The following GRHL1 variants were observed in gnomAD, a reference collection of about 807,000 sequenced individuals.
GRHL1 encodes the protein grainyhead-like protein 1 homolog.
Under a neutral mutation model 75.7 loss-of-function variants are expected in GRHL1, and 38 were observed. The observed-to-expected ratio is 0.50, with a 90% CI of 0.39 to 0.66. The LOEUF (loss-of-function observed/expected upper bound fraction) is 0.66. Among genes scored for constraint, GRHL1 ranks in the 30% least tolerant of loss-of-function variants. The pLI is 0.00. For synonymous variants in GRHL1, 266 were observed against 279.4 expected, an observed-to-expected ratio of 0.95 and a Z score of 0.48; for missense variants, 589 against 767.5, an observed-to-expected ratio of 0.77 and a Z score of 2.75.
At chr2:9,977,522 ATGT>A (rs1667997905) in intron 8 of GRHL1, among the ~76,000 whole-genome samples, 2 of 152,306 alleles carry the variant, frequency 1.3e-5, no homozygotes, top group East Asian at 3.9e-4. Context: ...GGGTTTCACC[ATGT>A]TGGCCAGGCT....
intron 1 of GRHL1, 84 bp from the exon 2 acceptor site, chr2:9,954,831 A>G (rs1318779272): frequency 3.6e-6 from 4 of 1,122,472 alleles, no homozygotes; most frequent in Non-Finnish European, 4.0e-6. Flanking sequence ...AGGCTATTTT[A>G]TAGGAATGTC....
intron 2 of GRHL1, 49 bp from the exon 3 acceptor site, chr2:9,958,737 G>A: frequency 1.5e-6 from 2 of 1,373,996 alleles, no homozygotes; most frequent in South Asian, 1.2e-5. Context: ...TGGGTAAACT[G>A]CACTTCACTG....
intron 8 of GRHL1, among the ~76,000 whole-genome samples, chr2:9,970,223 T>C (rs1198911130): frequency 6.6e-6 from 1 of 152,258 alleles, no homozygotes; most frequent in Non-Finnish European, 1.5e-5. Flanking sequence ...TCTAAATCCT[T>C]ACACTGTAAG....
chr2:9,990,870 T>C lies in GRHL1; in HGVS notation c.1321+123T>C. On this transcript the variant is annotated intron_variant, in intron 10 of 15. Transcript: ENST00000324907. The surrounding 1 kb of genome is among the most constrained non-coding windows in gnomAD (Gnocchi z 4.2). ...TGCACGCAGAAGACAGTGGGTGTTC[T>C]TCCTGTTCTGCAGTGTGGCACTGCC... 1 of 724,652 alleles carries C rather than the reference T, an allele frequency of 1.4e-6. No homozygotes were observed. Among genetic ancestry groups the C allele is most frequent in the South Asian group, 1.8e-5 (1 of 55,096 alleles). 44.9% of individuals were successfully genotyped at this position (724,652 alleles called of 1,614,324 possible). A position where few individuals can be genotyped will look rare whatever the true frequency, so the allele number is the denominator to read the frequency against.
chr2:9,995,458 G>A (rs1668818912), intron 12 of GRHL1: 1 of 155,498 alleles, frequency 6.4e-6, no homozygotes, highest in Non-Finnish European at 1.4e-5. Flanking sequence ...GGGTGTGGTG[G>A]TGTGCGCCAC....
chr2:9,986,252 C>G lies in GRHL1; in HGVS notation c.1239C>G (p.Ala413=). The G allele has an allele frequency of 6.2e-7, 1 of 1,613,588 alleles. No individual in the cohort carries two copies. The highest frequency in any genetic ancestry group is 1.3e-5 in the African/African-American group (1 of 74,976). Residue 413 remains alanine (A), a synonymous_variant, in exon 9 of 16, where the codon GCC becomes GCG. Coordinates refer to ENST00000324907, the MANE Select transcript of GRHL1 (RefSeq NM_198182.3). ...NNRSNKPVHR[A]YCQIKVFCDK... is the part of the protein sequence containing the mutation. ...GCAGCAACAAGCCTGTGCACCGGGC[C>G]TACTGCCAGATCAAGGTCTTCTGTG... is the stretch of plus-strand genomic sequence containing the variant.
At chr2:9,954,493 T>C (rs1296857089) in intron 1 of GRHL1, among the ~76,000 whole-genome samples, 1 of 152,186 alleles carries the variant, frequency 6.6e-6, no homozygotes, top group Admixed American at 6.5e-5. Context: ...GGGAATAACA[T>C]GTAGCAGTGT....
intron 8 of GRHL1, among the ~76,000 whole-genome samples, chr2:9,977,585 G>A (rs1195238203): frequency 6.6e-6 from 1 of 152,202 alleles, no homozygotes; most frequent in African/African-American, 2.4e-5. Flanking sequence ...GCCTCCCAAA[G>A]TGCTGGGATT....
At chr2:9,954,546 T>C (rs911695818) in intron 1 of GRHL1, among the ~76,000 whole-genome samples, 1 of 152,186 alleles carries the variant, frequency 6.6e-6, no homozygotes, top group Non-Finnish European at 1.5e-5. Flanking sequence ...CAGTCCTGAT[T>C]GTGTGTTGGA....
intron 8 of GRHL1, among the ~76,000 whole-genome samples, chr2:9,982,602 C>T (rs991921705): frequency 1.3e-5 from 2 of 152,202 alleles, no homozygotes; most frequent in Non-Finnish European, 2.9e-5. Context: ...TTGTTAACCT[C>T]CCGCTTCACT....
Position 9,961,402 on chromosome 2 carries a change from C to T in GRHL1, c.635C>T (p.Thr212Ile), listed in dbSNP as rs1379848291. The T allele has an allele frequency of 1.2e-6, 2 of 1,613,556 alleles. No homozygotes were observed. The highest frequency in any genetic ancestry group is 1.7e-5 in the Admixed American group (1 of 60,012). ...GCTCAAAGGCGAACTCCAGACTCGA[C>T]CTTCTCAGAGACCTTCAAGGAAGGC... ...PNAQRRTPDS[T>I]FSETFKEGVQ... The change falls in exon 4 of 16, where the codon ACC (threonine) becomes ATC (isoleucine). Residue 212 changes from threonine to isoleucine, a missense_variant. Thr to Ile is a moderately conservative substitution (Grantham distance 89). Transcript: ENST00000324907.
chr2:9,992,091 A>G lies in GRHL1; in HGVS notation c.1406A>G (p.Gln469Arg). The G allele has an allele frequency of 6.2e-7, 1 of 1,613,730 alleles. No individual in the cohort carries two copies. The highest frequency in any genetic ancestry group is 1.1e-5 in the South Asian group (1 of 91,046). ...AAACCCTTCATTGATCTCGATACTC[A>G]GCCTGTCCTCTTCATTCCTGACGTG... Reference protein sequence around the residue: ...VFKPFIDLDTQPVLFIPDVHF... With the variant: ...VFKPFIDLDTRPVLFIPDVHF... The change falls in exon 11 of 16, where the codon CAG (glutamine) becomes CGG (arginine). Residue 469 changes from glutamine (Q) to arginine (R), a missense_variant. By Grantham distance (43) the Gln-to-Arg change is conservative (BLOSUM62 1). Around this residue, in one of 5 missense-constraint regions of GRHL1, gnomAD observed 192 missense variants for 226.6 expected, o/e 0.85. Transcript: ENST00000324907. The surrounding 1 kb of genome is among the most constrained non-coding windows in gnomAD (Gnocchi z 4.6).
At chr2:9,960,993 T>A (rs746528446) in intron 3 of GRHL1, 53 bp from the exon 4 acceptor site, 6 of 1,421,936 alleles carry the variant, frequency 4.2e-6, no homozygotes, top group Middle Eastern at 1.8e-4. Context: ...AAATAAAAAT[T>A]GTCAAAGAAC....
At chr2:9,993,141 A>G in intron 11 of GRHL1, 66 bp from the exon 12 acceptor site, 1 of 1,119,502 alleles carries the variant, frequency 8.9e-7, no homozygotes, top group East Asian at 2.3e-5. Context: ...CATTTTAGGA[A>G]TAATTCATTT....
chr2:9,998,501 C>CGTATATATATACGTGTATATACGT (rs376418927), intron 14 of GRHL1, among the ~76,000 whole-genome samples: 1 of 6,890 alleles, frequency 1.5e-4, no homozygotes, highest in Non-Finnish European at 2.3e-4. Flanking sequence ...CGTATATATA[C>CGTATATATATACGTGTATATACGT]ATATATATAC....
chr2:9,987,570 G>C lies in GRHL1; in HGVS notation c.1269+1288G>C, dbSNP rs1668477854. 6.6e-6 allele frequency among the ~76,000 whole-genome samples: 1 copy of C among 152,168 alleles called. No homozygotes were observed. The highest frequency in any genetic ancestry group is 2.4e-5 in the African/African-American group (1 of 41,442). ...ATAAGCATGGGGAAGGAGAGGTGCG[G>C]ATTCTTCTCTACAGCCACAGGGAGG... On this transcript the variant is annotated intron_variant, in intron 9 of 15. Transcript: ENST00000324907. This position sits in a 1 kb window ranked among gnomAD's most constrained non-coding sequence, Gnocchi z 4.2.
chr2:9,985,560 C>T (rs1166417130), intron 8 of GRHL1, among the ~76,000 whole-genome samples: 1 of 152,142 alleles, frequency 6.6e-6, no homozygotes, highest in African/African-American at 2.4e-5. Context: ...TTAATAAGAA[C>T]AAACTGGAAA....
intron 9 of GRHL1, among the ~76,000 whole-genome samples, chr2:9,986,934 C>T (rs1025032984): frequency 2.0e-5 from 3 of 151,796 alleles, no homozygotes; most frequent in Non-Finnish European, 4.4e-5. Context: ...TCTTGAACTC[C>T]GGTCCTCAAG....
intron 1 of GRHL1, among the ~76,000 whole-genome samples, chr2:9,953,296 TG>T (rs1306548336): frequency 6.6e-6 from 1 of 152,268 alleles, no homozygotes; most frequent in Non-Finnish European, 1.5e-5. Context: ...CATAGTCTTC[TG>T]GAAGTAGCTA....
Sources: allele counts gnomAD v4.1 joint callset (sites outside exome capture counted in the v4.1 genomes callset), GRCh38; gene constraint gnomAD v4.1.1; regional missense constraint gnomAD v4.1.1; non-coding constraint Gnocchi (gnomAD v3.1); transcripts MANE v1.5; gene names NCBI Gene and HGNC (gene_info 2026-07-23, HGNC 2026-07-21).